Variants in PLA2G7 observed in about 807,000 individuals in gnomAD.
PLA2G7 encodes the protein phospholipase A2 group VII.
A neutral mutation model predicts 49.6 loss-of-function variants in PLA2G7; 63 were observed. The observed-to-expected ratio is 1.27, with a 90% CI of 1.04 to 1.57. The LOEUF (loss-of-function observed/expected upper bound fraction) is 1.57, where lower values mean the gene tolerates loss of function less well. PLA2G7 is among the 40% of genes most tolerant of loss of function. PLA2G7 has a pLI of 0.00. For missense variants in PLA2G7, 596 were observed against 521.2 expected (o/e 1.14, Z -1.40); for synonymous variants, 193 against 169.9 (o/e 1.14, Z -1.06).
rs150039037 is a variant in PLA2G7, at chr6:46,711,546, A to G, written c.613T>C (p.Tyr205His). 103 of 1,613,612 alleles carry G rather than the reference A, an allele frequency of 6.4e-5. No homozygotes were observed. The highest frequency in any genetic ancestry group is 8.0e-5 in the Non-Finnish European group (94 of 1,179,640). Residue 205 changes from tyrosine to histidine, a missense_variant, in exon 7 of 12, where the codon TAC (tyrosine) becomes CAC (histidine). Tyr to His is a moderately conservative substitution (Grantham distance 83). Coordinates refer to ENST00000274793, the MANE Select transcript of PLA2G7 (RefSeq NM_005084.4). ...TCCTCTTGTTTCAGGGTTCTAAGGT[A>G]GAGCCAAGACTTGTCCCCTATTTCT... is the stretch of plus-strand genomic sequence containing the variant. ...AAEIGDKSWL[Y>H]LRTLKQEEET...
At chr6:46,707,096 G>A (rs190123263) in intron 10 of PLA2G7, among the ~76,000 whole-genome samples, 108 of 152,186 alleles carry the variant, frequency 7.1e-4, no homozygotes, top group Non-Finnish European at 1.1e-3. Flanking sequence ...AACCTTATCA[G>A]GAGTTCTTTT....
At chr6:46,709,476 T>C (rs140670997) in intron 8 of PLA2G7, 58 bp from the exon 9 acceptor site, 1 of 954,560 alleles carries the variant, frequency 1.0e-6, no homozygotes, top group Admixed American at 1.7e-5. Context: ...GAAGAAATGA[T>C]TTTGTCAATC....
intron 10 of PLA2G7, 114 bp downstream of exon 10, chr6:46,707,873 TATTG>T: frequency 1.5e-6 from 1 of 658,234 alleles, no homozygotes; most frequent in African/African-American, 1.8e-5. Context: ...ATTCTCTCCT[TATTG>T]AAAGTCTAAA....
chr6:46,721,199 C>G (rs979653463), intron 2 of PLA2G7, among the ~76,000 whole-genome samples: 6 of 152,074 alleles, frequency 3.9e-5, no homozygotes, highest in African/African-American at 1.4e-4. Context: ...CACCACCACA[C>G]CCAGCTAATT....
At chr6:46,705,630 G>A (rs192040466) in intron 10 of PLA2G7, among the ~76,000 whole-genome samples, 3 of 152,248 alleles carry the variant, frequency 2.0e-5, no homozygotes, top group African/African-American at 7.2e-5. Flanking sequence ...TGTATTGAAG[G>A]GTCCCTGAAC....
chr6:46,714,298 A>G (rs1331640938), intron 5 of PLA2G7, among the ~76,000 whole-genome samples, 162 bp downstream of exon 5: 1 of 152,206 alleles, frequency 6.6e-6, no homozygotes, highest in Non-Finnish European at 1.5e-5. Flanking sequence ...TTGACCAGAC[A>G]GGTCTAGGAC....
At chr6:46,715,002 T>C (rs896568334) in intron 4 of PLA2G7, among the ~76,000 whole-genome samples, 2 of 152,158 alleles carry the variant, frequency 1.3e-5, no homozygotes, top group African/African-American at 2.4e-5. Context: ...CCCAAAGTGC[T>C]GGGATTACAG....
At chr6:46,720,265 T>A (rs760207929) in intron 2 of PLA2G7, among the ~76,000 whole-genome samples, 1 of 151,884 alleles carries the variant, frequency 6.6e-6, no homozygotes, top group Non-Finnish European at 1.5e-5. Flanking sequence ...CATGGGAGGG[T>A]TTCACCCAAC....
In PLA2G7 at chr6:46,735,318, T is replaced by A. The variant is rs1009865155; in HGVS notation, c.-173A>T. On this transcript the variant is annotated 5_prime_UTR_variant, in exon 1 of 12. Coordinates refer to ENST00000274793, the MANE Select transcript of PLA2G7 (RefSeq NM_005084.4). Reference sequence around the variant, plus strand: ...AGCCTCCGACCAGCCGCTGTCCCCCTGGCTGCGGGCCGAGCAGCTCTGGCA... The same window carrying A: ...AGCCTCCGACCAGCCGCTGTCCCCCAGGCTGCGGGCCGAGCAGCTCTGGCA... 2 of 152,434 alleles carry A rather than the reference T, an allele frequency of 1.3e-5. No individual in the cohort carries two copies. The highest frequency in any genetic ancestry group is 4.8e-5 in the African/African-American group (2 of 41,470). 9.4% of individuals were successfully genotyped at this position (152,434 alleles called of 1,614,324 possible). A position where few individuals can be genotyped will look rare whatever the true frequency, so the allele number is the denominator to read the frequency against.
intron 2 of PLA2G7, 139 bp downstream of exon 2, chr6:46,722,644 C>A: frequency 1.5e-6 from 1 of 674,972 alleles, no homozygotes; most frequent in Non-Finnish European, 2.7e-6. Flanking sequence ...AACCTCTCCC[C>A]TACTCCAGGA....
rs140268311 is a variant in PLA2G7, at chr6:46,704,609, T to C, written c.1277A>G (p.Asn426Ser). 397 of 1,589,858 alleles carry C rather than the reference T, an allele frequency of 2.5e-4. 1 individual carries two copies. The African/African-American group carries it at 4.2e-3, about 17-fold the overall frequency. Residue 426 changes from asparagine to serine, a missense_variant, in exon 12 of 12, where the codon AAT becomes AGT. By Grantham distance (46) the Asn-to-Ser change is conservative (BLOSUM62 1). Coordinates refer to ENST00000274793, the MANE Select transcript of PLA2G7 (RefSeq NM_005084.4). The part of the protein sequence containing the change: ...LIPGTNINTT[N>S]QHIMLQNSSG... ...AGAGTTCTGTAACATGATGTGTTGA[T>C]TGGTTGTGTTAATGTTGGTCCCTGG...
rs1295655586 is a variant in PLA2G7 at position 46,711,636 on chromosome 6, A to G, written c.540-17T>C. The G allele has an allele frequency of 6.2e-7, 1 of 1,612,660 alleles. No homozygotes were observed. The highest frequency in any genetic ancestry group is 2.2e-5 in the East Asian group (1 of 44,844). On this transcript the variant is annotated splice_polypyrimidine_tract_variant and intron_variant, in intron 6 of 11. Coordinates refer to ENST00000274793, the MANE Select transcript of PLA2G7 (RefSeq NM_005084.4). ...GATCTATCTCTATAATACAAGCAAA[A>G]TTATTATTTATGCATGCTCCTTCCC... is the stretch of plus-strand genomic sequence containing the variant.
chr6:46,723,260 C>A (rs1765459148), intron 1 of PLA2G7, among the ~76,000 whole-genome samples: 1 of 152,166 alleles, frequency 6.6e-6, no homozygotes, highest in South Asian at 2.1e-4. Flanking sequence ...TAACAACCAT[C>A]TGTCATCATC....
chr6:46,725,857 C>G lies in PLA2G7; in HGVS notation c.-34-2932G>C, dbSNP rs557398602. On this transcript the variant is annotated intron_variant, in intron 1 of 11. Coordinates refer to ENST00000274793, the MANE Select transcript of PLA2G7 (RefSeq NM_005084.4). ...GGCCACGGGTGGCATTCCCCTTGGA[C>G]CTCTGAAGGGTCACTGAAAAATCAA... 5.3e-5 allele frequency among the ~76,000 whole-genome samples: 8 copies of G among 152,168 alleles called. No homozygotes were observed. The East Asian group carries it at 1.6e-3, about 30-fold the overall frequency.
At chr6:46,707,947 C>G in intron 10 of PLA2G7, 44 bp downstream of exon 10, 2 of 1,240,384 alleles carry the variant, frequency 1.6e-6, no homozygotes, top group Non-Finnish European at 2.4e-6. Flanking sequence ...TTTACCCAAG[C>G]TTCAAGTTTG....
chr6:46,715,987 T>C (rs1460666497), intron 4 of PLA2G7, among the ~76,000 whole-genome samples: 1 of 152,252 alleles, frequency 6.6e-6, no homozygotes, highest in Non-Finnish European at 1.5e-5. Flanking sequence ...TCCTTTGTTT[T>C]GGATCTGGAG....
intron 1 of PLA2G7, among the ~76,000 whole-genome samples, chr6:46,732,629 A>G (rs1765768647): frequency 6.6e-6 from 1 of 152,170 alleles, no homozygotes; most frequent in African/African-American, 2.4e-5. Flanking sequence ...ACTTAATTCA[A>G]TGAGCATCTA....
chr6:46,708,151 C>CA lies in PLA2G7; in HGVS notation c.879dup (p.Ala294CysfsTer11). 5 of 1,610,548 alleles carry CA rather than the reference C, an allele frequency of 3.1e-6. No individual in the cohort carries two copies. The highest frequency in any genetic ancestry group is 4.2e-6 in the Non-Finnish European group (5 of 1,176,954). On this transcript the variant is annotated frameshift_variant, in exon 10 of 12. Transcript: ENST00000274793. LOFTEE classifies it high-confidence loss of function. ...AGTGGAAACATCCATGCATCCAGGG[C>CA]AATACCACATCTGTAGATATTTGTT...
At chr6:46,706,003 G>T (rs1006967440) in intron 10 of PLA2G7, among the ~76,000 whole-genome samples, 1 of 152,144 alleles carries the variant, frequency 6.6e-6, no homozygotes, top group Admixed American at 6.6e-5. Context: ...ATTTCCCATT[G>T]GCTGAATGTA....
Sources: gnomAD v4.1 joint callset for allele counts (sites outside exome capture counted in the v4.1 genomes callset) on GRCh38, gnomAD v4.1.1 for gene constraint, MANE v1.5 for transcripts, NCBI Gene and HGNC (gene_info 2026-07-23, HGNC 2026-07-21) for gene names.